ZNF614: variants seen among roughly 807,000 people sequenced by gnomAD.
ZNF614 encodes zinc finger protein 614.
Under a neutral mutation model 12.8 loss-of-function variants are expected in ZNF614, and 11 were observed. The ratio of observed to expected loss-of-function variants is 0.86; its 90% CI spans 0.54 to 1.43. ZNF614 has a LOEUF of 1.43. ZNF614 is among the 40% of genes most tolerant of loss of function. The pLI, the probability that ZNF614 is intolerant of heterozygous loss-of-function variation, is 0.00. For missense variants in ZNF614, 664 were observed against 708.8 expected (o/e 0.94, Z 0.72); for synonymous variants, 237 against 237.5 (o/e 1.00, Z 0.02).
Position 52,028,368 on chromosome 19 carries a change from G to C in ZNF614, c.-343C>G, listed in dbSNP as rs528478378. ...AGCTGAGCGGTAAAGACCGTGAAGC[G>C]AGGCGAGGACCACGGAGCCTGCCCG... On this transcript the variant is annotated 5_prime_UTR_variant, in exon 1 of 5. Coordinates refer to ENST00000270649, the MANE Select transcript of ZNF614 (RefSeq NM_025040.4). 6.6e-6 allele frequency: 1 copy of C among 152,336 alleles called. No individual in the cohort carries two copies. Among genetic ancestry groups the C allele is most frequent in the African/African-American group, 2.4e-5 (1 of 41,484 alleles). The allele number at this position is 152,336 out of a possible 1,614,324, so 9.4% of individuals were successfully genotyped here.
At chr19:52,023,283 C>T (rs2086945013) in intron 2 of ZNF614, among the ~76,000 whole-genome samples, 1 of 151,624 alleles carries the variant, frequency 6.6e-6, no homozygotes, top group Non-Finnish European at 1.5e-5. Context: ...ATTCTCCTGC[C>T]TCAGCCTCCT....
intron 3 of ZNF614, 31 bp from the exon 4 acceptor site, chr19:52,018,134 C>G (rs779688524): frequency 1.8e-5 from 28 of 1,576,338 alleles, no homozygotes; most frequent in Non-Finnish European, 2.4e-5. Context: ...ACACAAACAT[C>G]CTGAATTGGA....
intron 1 of ZNF614, among the ~76,000 whole-genome samples, chr19:52,026,542 T>C (rs2086974589): frequency 6.6e-6 from 1 of 152,174 alleles, no homozygotes; most frequent in African/African-American, 2.4e-5. Context: ...AAACCAGGTA[T>C]TGTCCAAGGT....
At chr19:52,023,325 C>T (rs373480177) in intron 2 of ZNF614, among the ~76,000 whole-genome samples, 1 of 151,772 alleles carries the variant, frequency 6.6e-6, no homozygotes, top group African/African-American at 2.4e-5. Flanking sequence ...CGTGCCACCA[C>T]GCCCAGCTAA....
intron 2 of ZNF614, among the ~76,000 whole-genome samples, chr19:52,019,013 T>C (rs2086918210): frequency 6.6e-6 from 1 of 151,948 alleles, no homozygotes. Context: ...GGACTACAGG[T>C]GGATGCTACT....
intron 1 of ZNF614, among the ~76,000 whole-genome samples, chr19:52,026,569 G>A (rs2086974740): frequency 6.6e-6 from 1 of 152,190 alleles, no homozygotes; most frequent in South Asian, 2.1e-4. Flanking sequence ...CCATATGATA[G>A]CCTGAGATAT....
Position 52,016,648 on chromosome 19 carries a change from C to T in ZNF614, c.950G>A (p.Cys317Tyr). The change falls in exon 5 of 5, where the codon TGC becomes TAC. Residue 317 changes from cysteine to tyrosine, a missense_variant. Cys to Tyr is a radical substitution (Grantham distance 194). Transcript: ENST00000270649. The stretch of plus-strand genomic sequence containing the variant: ...AGTGAAACCTTTTCCACATTCTTTG[C>T]ACACATAAGGTTTCTCTCCACTATG... ...RTHSGEKPYV[C>Y]KECGKGFTVK... 1.9e-6 allele frequency: 3 copies of T among 1,614,216 alleles called. No individual in the cohort carries two copies. Among genetic ancestry groups the T allele is most frequent in the Non-Finnish European group, 2.5e-6 (3 of 1,180,040 alleles).
At chr19:52,020,475 T>TA (rs1217692520) in intron 2 of ZNF614, among the ~76,000 whole-genome samples, 1 of 152,254 alleles carries the variant, frequency 6.6e-6, no homozygotes, top group Admixed American at 6.5e-5. Context: ...TTGGTGGCAT[T>TA]ACATCTTCCT....
chr19:52,025,245 G>C (rs2086963440), intron 2 of ZNF614, among the ~76,000 whole-genome samples: 1 of 152,142 alleles, frequency 6.6e-6, no homozygotes, highest in Non-Finnish European at 1.5e-5. Flanking sequence ...CTTGAGTGGT[G>C]GGTGATTCAT....
intron 2 of ZNF614, among the ~76,000 whole-genome samples, chr19:52,023,703 T>C (rs2086949960): frequency 6.6e-6 from 1 of 152,224 alleles, no homozygotes; most frequent in Admixed American, 6.5e-5. Flanking sequence ...TGACCAAATA[T>C]ACTTATCCGT....
chr19:52,023,735 T>A (rs1430762697), intron 2 of ZNF614, among the ~76,000 whole-genome samples: 1 of 152,214 alleles, frequency 6.6e-6, no homozygotes, highest in Non-Finnish European at 1.5e-5. Context: ...TATACCAGAC[T>A]GTGAAAAATA....
At chr19:52,019,749 C>T (rs969444873) in intron 2 of ZNF614, among the ~76,000 whole-genome samples, 2 of 152,246 alleles carry the variant, frequency 1.3e-5, no homozygotes, top group African/African-American at 2.4e-5. Context: ...TGCTGTCTTA[C>T]AACCATGATA....
rs115005123 is a variant in ZNF614 at position 52,016,426 on chromosome 19, C to T, written c.1172G>A (p.Arg391His). The change falls in exon 5 of 5, where the codon CGC (arginine) becomes CAC (histidine). Residue 391 changes from arginine (R) to histidine (H), a missense_variant. Transcript: ENST00000270649. ...TVKSNLIVHQ[R>H]SHTGEKSYIC... ...GTAAGATTTTTCTCCTGTGTGGGAG[C>T]GCTGATGTACAATGAGATTGCTCTT... 9.3e-6 allele frequency: 15 copies of T among 1,614,122 alleles called. No individual in the cohort carries two copies. Among genetic ancestry groups the T allele is most frequent in the Admixed American group, 1.7e-5 (1 of 60,018 alleles).
At position 52,018,518 on chromosome 19, in the gene ZNF614, A is replaced by G. The variant is rs376982430; in HGVS notation, c.16-24T>C. 13 of 1,607,340 alleles carry G rather than the reference A, an allele frequency of 8.1e-6. No individual in the cohort carries two copies. The African/African-American group carries it at 9.4e-5, about 12-fold the overall frequency. ...TCCTGTAATTACAAAGTCCTATTCA[A>G]TATGATATAAACTCCTATTGTTAAT... On this transcript the variant is annotated intron_variant, in intron 2 of 4. Transcript: ENST00000270649.
rs1254365975 is a variant in ZNF614, at chr19:52,025,735, G to A, written c.11C>T (p.Thr4Ile). Residue 4 changes from threonine (T) to isoleucine (I), a missense_variant, in exon 2 of 5, where the codon ACC (threonine) becomes ATC (isoleucine). Coordinates refer to ENST00000270649, the MANE Select transcript of ZNF614 (RefSeq NM_025040.4). Reference protein sequence around the residue: MIKTQESLTLEDVA... With the variant: MIKIQESLTLEDVA... ...AAATCAAAGGGAAAATATCACCTGG[G>A]TCTTGATCATTTTCTTCTGTGCTCA... 2.4e-5 allele frequency: 38 copies of A among 1,613,810 alleles called. No homozygotes were observed. The highest frequency in any genetic ancestry group is 2.7e-5 in the Non-Finnish European group (32 of 1,179,902).
At chr19:52,023,172 A>AT (rs1162700059) in intron 2 of ZNF614, among the ~76,000 whole-genome samples, 388 of 132,128 alleles carry the variant, frequency 2.9e-3, no homozygotes, top group African/African-American at 9.9e-3. Context: ...TAATAAATAA[A>AT]ATTTTTTTTT....
chr19:52,026,346 C>T (rs2086972294), intron 1 of ZNF614, among the ~76,000 whole-genome samples: 1 of 152,232 alleles, frequency 6.6e-6, no homozygotes, highest in South Asian at 2.1e-4. Flanking sequence ...CTAGCTCCAA[C>T]CCTATGCTAG....
chr19:52,026,323 T>C (rs1256327296), intron 1 of ZNF614, among the ~76,000 whole-genome samples: 2 of 152,244 alleles, frequency 1.3e-5, no homozygotes, highest in East Asian at 3.8e-4. Context: ...TGAGATGCTG[T>C]TAATCTGTAA....
chr19:52,027,242 C>T (rs7260171), intron 1 of ZNF614, among the ~76,000 whole-genome samples: 34,256 of 152,186 alleles, frequency 0.23, 4,792 homozygotes, highest in African/African-American at 0.39. Context: ...TTAAAAACCA[C>T]GTGTGCCCAT....
Sources: gnomAD v4.1 joint callset for allele counts (sites outside exome capture counted in the v4.1 genomes callset) on GRCh38, gnomAD v4.1.1 for gene constraint, MANE v1.5 for transcripts, NCBI Gene and HGNC (gene_info 2026-07-23, HGNC 2026-07-21) for gene names.